Variants in NDUFS4 observed in about 807,000 individuals in gnomAD.
NDUFS4 encodes NADH:ubiquinone oxidoreductase subunit S4.
In NDUFS4, 28 loss-of-function variants were observed where a neutral mutation model predicts 24.3. That is an observed-to-expected ratio of 1.15 (90% CI 0.85 to 1.58). NDUFS4 has a LOEUF of 1.58. Ranked by LOEUF, NDUFS4 falls within the 40% of genes most tolerant of loss-of-function variation. The probability of loss-of-function intolerance (pLI) is 0.00; values close to 1 mark genes in which losing one functional copy is unlikely to be tolerated. For missense variants in NDUFS4, 223 were observed against 207.9 expected, an observed-to-expected ratio of 1.07 and a Z score of -0.45; for synonymous variants, 93 against 69.7, an observed-to-expected ratio of 1.34 and a Z score of -1.67.
intron 1 of NDUFS4, among the ~76,000 whole-genome samples, chr5:53,572,951 T>C (rs1473194636): frequency 1.6e-5 from 2 of 126,370 alleles, no homozygotes; most frequent in African/African-American, 3.4e-5. Flanking sequence ...GCCTTTGTTG[T>C]TTTTTGTTTT....
chr5:53,659,122 C>T (rs1163326555), intron 4 of NDUFS4, among the ~76,000 whole-genome samples: 1 of 152,112 alleles, frequency 6.6e-6, no homozygotes, highest in East Asian at 1.9e-4. Flanking sequence ...TGCTACTTTT[C>T]TAGATATAGT....
chr5:53,588,528 C>T (rs1443587987), intron 1 of NDUFS4, among the ~76,000 whole-genome samples: 5 of 152,164 alleles, frequency 3.3e-5, no homozygotes, highest in Admixed American at 6.6e-5. Context: ...GGAATTTTCA[C>T]GAGTCTGACT....
Position 53,651,975 on chromosome 5 carries a change from G to A in NDUFS4, c.350+5570G>A, listed in dbSNP as rs560724428. ...TTTTTAGTAGAGATGGGGTTTCACC[G>A]TGTTAGCCAGGATGGTCTCGATCTC... On this transcript the variant is annotated intron_variant, in intron 3 of 4. Transcript: ENST00000296684. 1.5e-3 allele frequency among the ~76,000 whole-genome samples: 229 copies of A among 151,960 alleles called. 1 individual carries two copies. Among genetic ancestry groups the A allele is most frequent in the African/African-American group, 5.0e-3 (206 of 41,478 alleles).
Position 53,603,756 on chromosome 5 carries a change from A to T in NDUFS4, c.177+226A>T, listed in dbSNP as rs143327974. On this transcript the variant is annotated intron_variant, in intron 2 of 4. Coordinates refer to ENST00000296684, the MANE Select transcript of NDUFS4 (RefSeq NM_002495.4). ...CAAATATTAATAAATTAAAATTATG[A>T]AAGGTTTTCATTTTTGTGGTGTTTA... Among the ~76,000 whole-genome samples the T allele has an allele frequency of 1.3e-4, 20 of 152,288 alleles. No individual in the cohort carries two copies. The East Asian group carries it at 3.9e-3, about 29-fold the overall frequency.
At chr5:53,610,895 G>A (rs148299631) in intron 2 of NDUFS4, among the ~76,000 whole-genome samples, 47 of 152,120 alleles carry the variant, frequency 3.1e-4, no homozygotes, top group African/African-American at 1.0e-3. Flanking sequence ...TTTAATCATC[G>A]CAGTTCTAGT....
intron 1 of NDUFS4, among the ~76,000 whole-genome samples, chr5:53,578,191 A>G (rs1488041702): frequency 2.6e-5 from 4 of 152,150 alleles, no homozygotes; most frequent in Admixed American, 2.6e-4. Flanking sequence ...CTTAGTTGAG[A>G]CTTTAAACAT....
intron 1 of NDUFS4, among the ~76,000 whole-genome samples, chr5:53,584,734 G>C (rs999418634): frequency 4.0e-5 from 6 of 151,744 alleles, no homozygotes; most frequent in Admixed American, 6.6e-5. Context: ...GTATTTTATT[G>C]CCTGGATATT....
rs376432377 is a variant in NDUFS4, at chr5:53,560,919, G to C, written c.98+159G>C. Among the ~76,000 whole-genome samples the C allele has an allele frequency of 2.0e-4, 30 of 152,270 alleles. No homozygotes were observed. In the East Asian group the frequency reaches 5.2e-3, roughly 27 times the overall value. On this transcript the variant is annotated intron_variant, in intron 1 of 4. Coordinates refer to ENST00000296684, the MANE Select transcript of NDUFS4 (RefSeq NM_002495.4). ...GGACTAGGGACTGTCTGCTATCAAT[G>C]GGCGTTGGCCAGGCGAGTGAGGGCG...
At chr5:53,593,409 C>T (rs1365441927) in intron 1 of NDUFS4, among the ~76,000 whole-genome samples, 1 of 148,992 alleles carries the variant, frequency 6.7e-6, no homozygotes, top group African/African-American at 2.5e-5. Flanking sequence ...CTTTGTCTCT[C>T]TCTCTCTCTC....
Position 53,603,509 on chromosome 5 carries a change from C to CAT in NDUFS4, c.158_159dup (p.Thr54Ter). 1 of 1,613,838 alleles carries CAT rather than the reference C, an allele frequency of 6.2e-7. No individual in the cohort carries two copies. The highest frequency in any genetic ancestry group is 8.5e-7 in the Non-Finnish European group (1 of 1,179,890). ...AGGACCAGACTCAAGACACACAACT[C>CAT]ATAACAGTTGATGAAAAATTGGTAA... On this transcript the variant is annotated frameshift_variant, in exon 2 of 5. Transcript: ENST00000296684. LOFTEE classifies it high-confidence loss of function.
At chr5:53,656,214 T>TA (rs1482267201) in intron 3 of NDUFS4, among the ~76,000 whole-genome samples, 1 of 59,324 alleles carries the variant, frequency 1.7e-5, no homozygotes, top group Non-Finnish European at 3.4e-5. Flanking sequence ...TCTAGAAGTT[T>TA]ATTTTTTTTT....
At chr5:53,673,265 A>G (rs1740340811) in intron 4 of NDUFS4, among the ~76,000 whole-genome samples, 1 of 152,190 alleles carries the variant, frequency 6.6e-6, no homozygotes, top group Non-Finnish European at 1.5e-5. Context: ...ATAATAGCAT[A>G]TAAAATAAAC....
At chr5:53,589,301 G>T (rs1207280861) in intron 1 of NDUFS4, among the ~76,000 whole-genome samples, 1 of 152,112 alleles carries the variant, frequency 6.6e-6, no homozygotes, top group Admixed American at 6.5e-5. Flanking sequence ...TGTCAGTCAG[G>T]ATCCTAAACC....
intron 2 of NDUFS4, among the ~76,000 whole-genome samples, chr5:53,621,849 G>A (rs1277884688): frequency 6.6e-6 from 1 of 151,538 alleles, no homozygotes; most frequent in East Asian, 1.9e-4. Flanking sequence ...CTACAGGCGT[G>A]CGCCACCATG....
At position 53,608,428 on chromosome 5, in the gene NDUFS4, A is replaced by G. The variant is rs143445680; in HGVS notation, c.177+4898A>G. Among the ~76,000 whole-genome samples the G allele has an allele frequency of 2.9e-3, 445 of 152,278 alleles. 3 individuals are homozygous for G. The highest frequency in any genetic ancestry group is 0.01 in the African/African-American group (430 of 41,554). ...ATGAAAAATTTCTCTGTAGCATGTG[A>G]CACTGTTTGATATCATTTTACTCAC... is the stretch of plus-strand genomic sequence containing the variant. On this transcript the variant is annotated intron_variant, in intron 2 of 4. Coordinates refer to ENST00000296684, the MANE Select transcript of NDUFS4 (RefSeq NM_002495.4).
chr5:53,561,226 T>G (rs1748834661), intron 1 of NDUFS4, among the ~76,000 whole-genome samples: 1 of 152,156 alleles, frequency 6.6e-6, no homozygotes, highest in Non-Finnish European at 1.5e-5. Flanking sequence ...ATAGGAAGAT[T>G]GTTTATTCAT....
chr5:53,581,637 T>TTAA (rs1372328103), intron 1 of NDUFS4, among the ~76,000 whole-genome samples: 5 of 152,184 alleles, frequency 3.3e-5, no homozygotes, highest in African/African-American at 1.2e-4. Context: ...CAACACCCTT[T>TTAA]GCCTATTTAA....
chr5:53,667,304 A>G (rs1351886175), intron 4 of NDUFS4, among the ~76,000 whole-genome samples: 1 of 152,088 alleles, frequency 6.6e-6, no homozygotes, highest in Non-Finnish European at 1.5e-5. Flanking sequence ...CGTCTCTACT[A>G]AAAATACAAA....
At position 53,682,553 on chromosome 5, in the gene NDUFS4, C is replaced by CA. The variant is rs1241021235; in HGVS notation, c.425-563dup. ...AGCCATTGAAATAAATGTTGAAAAT[C>CA]AATTTTTGAGTTTAATCAGTAGCCT... On this transcript the variant is annotated intron_variant, in intron 4 of 4. Transcript: ENST00000296684. Among the ~76,000 whole-genome samples, 6 of 150,238 alleles carry CA rather than the reference C, an allele frequency of 4.0e-5. No individual in the cohort carries two copies. The East Asian group carries it at 1.2e-3, about 29-fold the overall frequency.
Sources: allele counts gnomAD v4.1 joint callset (sites outside exome capture counted in the v4.1 genomes callset), GRCh38; gene constraint gnomAD v4.1.1; transcripts MANE v1.5; gene names NCBI Gene and HGNC (gene_info 2026-07-23, HGNC 2026-07-21).